The following NAV2 variants were observed in gnomAD, a reference collection of about 807,000 sequenced individuals.
The protein encoded by NAV2 is neuron navigator 2, also known as helicase, APC down-regulated 1.
In NAV2, 54 loss-of-function variants were observed where a neutral mutation model predicts 223.2. The observed-to-expected ratio is 0.24, with a 90% CI of 0.19 to 0.30. The LOEUF is 0.30. NAV2 is among the 10% of genes least tolerant of loss of function. The pLI is 1.00. For missense variants in NAV2, 2,806 were observed against 3,147.5 expected, an observed-to-expected ratio of 0.89 and a Z score of 2.60; for synonymous variants, 1,279 against 1,239.3, an observed-to-expected ratio of 1.03 and a Z score of -0.67.
intron 14 of NAV2, among the ~76,000 whole-genome samples, chr11:20,046,335 C>CA (rs778055012): frequency 0.07 from 6,607 of 94,750 alleles, 180 homozygotes; most frequent in Non-Finnish European, 0.084. Context: ...GACTCCATCT[C>CA]AAAAAAAAAA....
At chr11:19,712,027 C>G (rs970536679), upstream of NAV2, 1 of 152,274 alleles carries the variant, frequency 6.6e-6, no homozygotes, top group Non-Finnish European at 1.5e-5. Context: ...TATTCTCATC[C>G]ACTTTCAGTC....
chr11:20,042,755 C>T (rs1298522925), intron 12 of NAV2, among the ~76,000 whole-genome samples: 4 of 152,094 alleles, frequency 2.6e-5, no homozygotes, highest in Non-Finnish European at 5.9e-5. Context: ...GGTAGTTAAG[C>T]ATTGCAAATA....
At chr11:19,437,576 TTCC>T (rs1564935330) in intron 1 of NAV2, among the ~76,000 whole-genome samples, 1 of 152,170 alleles carries the variant, frequency 6.6e-6, no homozygotes, top group Non-Finnish European at 1.5e-5. Flanking sequence ...TTTGGCTGAA[TTCC>T]TTCTTTAGGC....
chr11:19,671,961 G>A (rs1041234423), intron 1 of NAV2, among the ~76,000 whole-genome samples: 4 of 152,184 alleles, frequency 2.6e-5, no homozygotes, highest in African/African-American at 9.7e-5. Context: ...CCTGTCTAGA[G>A]GGAGAGACAT....
chr11:19,921,441 A>T (rs2044263200), intron 6 of NAV2, among the ~76,000 whole-genome samples: 1 of 152,232 alleles, frequency 6.6e-6, no homozygotes, highest in Non-Finnish European at 1.5e-5. Context: ...ACCATATTTA[A>T]ATGACTGCTA....
intron 6 of NAV2, among the ~76,000 whole-genome samples, chr11:19,926,503 C>A (rs2044761120): frequency 6.6e-6 from 1 of 152,110 alleles, no homozygotes; most frequent in South Asian, 2.1e-4. Context: ...GCTCCAAGAA[C>A]CTTGCAGAAC....
intron 1 of NAV2, among the ~76,000 whole-genome samples, chr11:19,595,544 C>G (rs867286303): frequency 2.0e-4 from 30 of 151,876 alleles, no homozygotes; most frequent in African/African-American, 6.5e-4. Flanking sequence ...GATTTCAGAG[C>G]CTGCATTCTT....
At position 20,011,790 on chromosome 11, in the gene NAV2, C is replaced by G. The variant is rs577302247; in HGVS notation, c.2769-24169C>G. Among the ~76,000 whole-genome samples, 17 of 152,366 alleles carry G rather than the reference C, an allele frequency of 1.1e-4. No homozygotes were observed. The South Asian group carries it at 3.5e-3, about 32-fold the overall frequency. On this transcript the variant is annotated intron_variant, in intron 11 of 37. Transcript: ENST00000349880. ...TAACATCATTCTTAATGGTCACACA[C>G]AGGATTCCATTCTATGTGGCGGAGC... is the stretch of plus-strand genomic sequence containing the variant.
chr11:19,577,379 A>G (rs1044796905), intron 1 of NAV2, among the ~76,000 whole-genome samples: 4 of 152,176 alleles, frequency 2.6e-5, no homozygotes, highest in Non-Finnish European at 5.9e-5. Flanking sequence ...CACTTTTCTA[A>G]GGCTGGGTGA....
intron 1 of NAV2, among the ~76,000 whole-genome samples, chr11:19,614,601 A>G (rs2046740584): frequency 6.6e-6 from 1 of 152,072 alleles, no homozygotes; most frequent in Non-Finnish European, 1.5e-5. Context: ...TTATCACCCA[A>G]TGTCCATAGT....
At chr11:19,838,695 C>T (rs2060362239) in intron 2 of NAV2, among the ~76,000 whole-genome samples, 1 of 152,230 alleles carries the variant, frequency 6.6e-6, no homozygotes, top group East Asian at 1.9e-4. Flanking sequence ...ACGATCTTGG[C>T]TCACTGAGGC....
At chr11:19,557,684 C>T (rs1416516480) in intron 1 of NAV2, among the ~76,000 whole-genome samples, 1 of 152,044 alleles carries the variant, frequency 6.6e-6, no homozygotes, top group Non-Finnish European at 1.5e-5. Flanking sequence ...GCAGTGAACG[C>T]GAAAAGCCTT....
At chr11:19,616,339 C>T (rs758881075) in intron 1 of NAV2, among the ~76,000 whole-genome samples, 68 of 44,192 alleles carry the variant, frequency 1.5e-3, no homozygotes, top group Non-Finnish European at 2.4e-3. Context: ...TGTGTGTGCG[C>T]GCGCATGATC....
chr11:20,101,698 G>C (rs1363886158), intron 32 of NAV2, among the ~76,000 whole-genome samples: 1 of 152,166 alleles, frequency 6.6e-6, no homozygotes, highest in East Asian at 1.9e-4. Context: ...CTAAGTGGTA[G>C]AACTGAAGCT....
intron 4 of NAV2, among the ~76,000 whole-genome samples, chr11:19,875,538 C>A (rs1287945085): frequency 2.0e-5 from 3 of 152,098 alleles, no homozygotes. Context: ...AAGTTGGGGA[C>A]CATCTGTATT....
intron 11 of NAV2, among the ~76,000 whole-genome samples, chr11:20,014,505 AGCACTTTGGGAG>A (rs2053841428): frequency 6.6e-6 from 1 of 152,212 alleles, no homozygotes; most frequent in African/African-American, 2.4e-5. Context: ...GTAATATTCC[AGCACTTTGGGAG>A]GCCAGGGTGA....
chr11:20,021,343 C>T (rs1034994022), intron 11 of NAV2, among the ~76,000 whole-genome samples: 7 of 152,146 alleles, frequency 4.6e-5, no homozygotes, highest in Non-Finnish European at 2.9e-5. Context: ...TAAATGAATA[C>T]ATCAACATTT....
intron 1 of NAV2, among the ~76,000 whole-genome samples, chr11:19,429,558 C>T (rs898178583): frequency 2.6e-5 from 4 of 152,220 alleles, no homozygotes; most frequent in Non-Finnish European, 5.9e-5. Context: ...ACAGTCTCTT[C>T]ATCTCTGCTG....
intron 1 of NAV2, among the ~76,000 whole-genome samples, chr11:19,725,758 A>G (rs142763353): frequency 2.8e-4 from 43 of 152,358 alleles, no homozygotes; most frequent in African/African-American, 9.6e-4. Flanking sequence ...GAAGTATATG[A>G]ATTGCCCACA....
Sources: allele counts gnomAD v4.1 joint callset (sites outside exome capture counted in the v4.1 genomes callset), GRCh38; gene constraint gnomAD v4.1.1; transcripts MANE v1.5; gene names NCBI Gene and HGNC (gene_info 2026-07-23, HGNC 2026-07-21).